The following DGKB variants were observed in gnomAD, a reference collection of about 807,000 sequenced individuals.
DGKB encodes diacylglycerol kinase beta, also known as 90 kDa diacylglycerol kinase.
DGKB carries 67 observed loss-of-function variants against 114.3 expected under a neutral mutation model. The observed-to-expected ratio is 0.59, with a 90% CI of 0.48 to 0.72. The LOEUF (loss-of-function observed/expected upper bound fraction) is 0.72. Among genes scored for constraint, DGKB ranks in the 30% least tolerant of loss-of-function variants. The probability of loss-of-function intolerance (pLI) is 0.00; values close to 1 mark genes in which losing one functional copy is unlikely to be tolerated. For synonymous variants in DGKB, 398 were observed against 323.1 expected (o/e 1.23, Z -2.49); for missense variants, 907 against 975.2 (o/e 0.93, Z 0.93).
chr7:14,494,943 A>G (rs1406144139), intron 20 of DGKB, among the ~76,000 whole-genome samples: 3 of 151,940 alleles, frequency 2.0e-5, no homozygotes, highest in Non-Finnish European at 4.4e-5. Flanking sequence ...TATCTTCACA[A>G]GATTAGTAAT....
chr7:14,973,662 G>T (rs1787627211), intron 1 of DGKB, among the ~76,000 whole-genome samples: 1 of 149,078 alleles, frequency 6.7e-6, no homozygotes. Context: ...AAAACAAATA[G>T]CCTTTTAATC....
At chr7:14,284,017 G>A (rs1432104938) in intron 23 of DGKB, among the ~76,000 whole-genome samples, 8 of 152,172 alleles carry the variant, frequency 5.3e-5, no homozygotes, top group East Asian at 1.9e-4. Flanking sequence ...GACAAATGGG[G>A]TCTAATTAAA....
At chr7:14,762,788 T>G (rs984483333) in intron 2 of DGKB, among the ~76,000 whole-genome samples, 1 of 152,130 alleles carries the variant, frequency 6.6e-6, no homozygotes, top group African/African-American at 2.4e-5. Context: ...CCAGAATGCT[T>G]GGCTGAATGT....
At chr7:14,598,368 T>C (rs1435198225) in intron 17 of DGKB, among the ~76,000 whole-genome samples, 6 of 152,216 alleles carry the variant, frequency 3.9e-5, no homozygotes, top group Non-Finnish European at 8.8e-5. Flanking sequence ...TTTTGAAAAG[T>C]CATTTGATCT....
chr7:14,590,295 T>C (rs1801495111), intron 17 of DGKB, among the ~76,000 whole-genome samples: 1 of 152,106 alleles, frequency 6.6e-6, no homozygotes, highest in African/African-American at 2.4e-5. Context: ...AGCAATTTGA[T>C]TCTCCCTCCT....
At chr7:14,359,595 A>G (rs1815290946) in intron 21 of DGKB, among the ~76,000 whole-genome samples, 1 of 151,926 alleles carries the variant, frequency 6.6e-6, no homozygotes, top group Non-Finnish European at 1.5e-5. Flanking sequence ...TTCAGAATCT[A>G]CAAAGAACTT....
chr7:14,499,420 G>A (rs1193668571), intron 20 of DGKB, among the ~76,000 whole-genome samples: 2 of 99,840 alleles, frequency 2.0e-5, no homozygotes. Context: ...ATATGGGTGA[G>A]TATTTGCTAG....
chr7:14,398,500 G>A (rs186891284), intron 21 of DGKB, among the ~76,000 whole-genome samples: 17 of 152,038 alleles, frequency 1.1e-4, no homozygotes, highest in Admixed American at 9.8e-4. Flanking sequence ...GAAATAGCGA[G>A]GCAAAGCTAT....
chr7:14,629,549 G>A (rs542641825), intron 14 of DGKB, among the ~76,000 whole-genome samples: 1 of 152,004 alleles, frequency 6.6e-6, no homozygotes, highest in South Asian at 2.1e-4. Context: ...TACAATTTTA[G>A]GGAAACAATA....
chr7:14,816,172 A>T lies in DGKB; in HGVS notation c.70+25022T>A, dbSNP rs1481916019. Among the ~76,000 whole-genome samples the T allele has an allele frequency of 2.6e-5, 4 of 152,028 alleles. No homozygotes were observed. The South Asian group carries it at 6.2e-4, about 24-fold the overall frequency. ...ATGGTGAAATCCCGTCTCTACTAAT[A>T]AAAATACAAAAATTAGCTGGACATA... On this transcript the variant is annotated intron_variant, in intron 2 of 25. Transcript: ENST00000402815.
rs144405697 is a variant in DGKB at position 14,548,604 on chromosome 7, G to C, written c.1770+25608C>G. ...AATAGAGTAAAGTAAAAGCATCTTA[G>C]AAACTACAGGCAGTTTCTGGAGATG... On this transcript the variant is annotated intron_variant, in intron 20 of 25. Transcript: ENST00000402815. Among the ~76,000 whole-genome samples the C allele has an allele frequency of 4.9e-3, 753 of 152,258 alleles. 5 individuals carry two copies. Among genetic ancestry groups the C allele is most frequent in the African/African-American group, 0.018 (734 of 41,544 alleles).
chr7:14,426,715 T>G (rs1563160319), intron 21 of DGKB, among the ~76,000 whole-genome samples: 1 of 152,078 alleles, frequency 6.6e-6, no homozygotes, highest in African/African-American at 2.4e-5. Flanking sequence ...AATTTAAAAT[T>G]TGTTGAATTT....
chr7:14,473,071 G>A (rs540249839), intron 21 of DGKB, among the ~76,000 whole-genome samples: 2 of 152,310 alleles, frequency 1.3e-5, no homozygotes, highest in South Asian at 2.1e-4. Context: ...GTAATGAGGA[G>A]TCAAACGTTA....
intron 23 of DGKB, among the ~76,000 whole-genome samples, chr7:14,194,390 T>C (rs1784732484): frequency 6.6e-6 from 1 of 152,212 alleles, no homozygotes; most frequent in Non-Finnish European, 1.5e-5. Flanking sequence ...TCCTGTCATT[T>C]GTGACAACAT....
chr7:14,689,381 T>A (rs888539947), intron 9 of DGKB, among the ~76,000 whole-genome samples: 1 of 151,796 alleles, frequency 6.6e-6, no homozygotes, highest in Middle Eastern at 3.4e-3. Context: ...TTCACCGTGT[T>A]AGCCAGGATG....
chr7:14,200,878 G>A (rs2128288709), intron 23 of DGKB, among the ~76,000 whole-genome samples: 1 of 152,060 alleles, frequency 6.6e-6, no homozygotes, highest in South Asian at 2.1e-4. Context: ...TGAGAAATTA[G>A]GTAATGAAGA....
rs554258863 is a variant in DGKB, at chr7:14,648,057, G to C, written c.1135-17789C>G. On this transcript the variant is annotated intron_variant, in intron 13 of 25. Coordinates refer to ENST00000402815, the MANE Select transcript of DGKB (RefSeq NM_001350709.2). The stretch of plus-strand genomic sequence containing the variant: ...TGAGATCAAACTGCAAGGCGGCAGC[G>C]AGGCTGGGGGAGGGGCGCCCACCAT... Among the ~76,000 whole-genome samples the C allele has an allele frequency of 8.5e-5, 13 of 152,292 alleles. No homozygotes were observed. The South Asian group carries it at 1.0e-3, about 12-fold the overall frequency.
intron 20 of DGKB, among the ~76,000 whole-genome samples, chr7:14,542,780 A>G (rs1377611547): frequency 6.6e-6 from 1 of 152,196 alleles, no homozygotes; most frequent in African/African-American, 2.4e-5. Flanking sequence ...TCACTTAGCA[A>G]TCGCATCCAG....
rs373473257 is a variant in DGKB at position 14,343,663 on chromosome 7, C to A, written c.1926+1638G>T. Among the ~76,000 whole-genome samples, 43 of 151,434 alleles carry A rather than the reference C, an allele frequency of 2.8e-4. No individual in the cohort carries two copies. The East Asian group carries it at 7.6e-3, about 27-fold the overall frequency. ...ATCTCCACCTACATTCAACCAAAGC[C>A]ATACTTCTAATTTTTCTAAAACTTT... is the stretch of plus-strand genomic sequence containing the variant. On this transcript the variant is annotated intron_variant, in intron 22 of 25. Transcript: ENST00000402815.
Sources: allele counts gnomAD v4.1 joint callset (sites outside exome capture counted in the v4.1 genomes callset), GRCh38; gene constraint gnomAD v4.1.1; transcripts MANE v1.5; gene names NCBI Gene and HGNC (gene_info 2026-07-23, HGNC 2026-07-21).